Variants in UGCG observed in about 807,000 individuals in gnomAD.
UGCG encodes UDP-glucose ceramide glucosyltransferase.
UGCG carries 10 observed loss-of-function variants against 49.5 expected under a neutral mutation model. The observed-to-expected ratio is 0.20, with a 90% CI of 0.12 to 0.34. The LOEUF is 0.34. Ranked by LOEUF, UGCG falls within the 10% of genes least tolerant of loss-of-function variation. The pLI is 1.00. For synonymous variants in UGCG, 182 were observed against 158.2 expected (o/e 1.15, Z -1.13); for missense variants, 312 against 483.7 (o/e 0.65, Z 3.33).
intron 6 of UGCG, among the ~76,000 whole-genome samples, chr9:111,930,746 G>T (rs1264702383): frequency 6.6e-6 from 1 of 152,206 alleles, no homozygotes; most frequent in African/African-American, 2.4e-5. Context: ...GGGATTACAG[G>T]CATGAGCCAC....
Position 111,933,168 on chromosome 9 carries a change from C to T in UGCG, c.*171C>T. On this transcript the variant is annotated 3_prime_UTR_variant, in exon 9 of 9. Coordinates refer to ENST00000374279, the MANE Select transcript of UGCG (RefSeq NM_003358.3). ...GCATCTGTGAAAAAAAAAAAAAACA[C>T]ATCTGTAGTCTTGGCCAAATGATAC... 2.0e-6 allele frequency: 1 copy of T among 507,546 alleles called. No homozygotes were observed. Among genetic ancestry groups the T allele is most frequent in the Non-Finnish European group, 2.9e-6 (1 of 340,266 alleles). 31.4% of individuals were successfully genotyped at this position (507,546 alleles called of 1,614,324 possible).
Position 111,924,608 on chromosome 9 carries a change from C to T in UGCG, c.344-169C>T, listed in dbSNP as rs140507754. On this transcript the variant is annotated intron_variant, in intron 3 of 8. Coordinates refer to ENST00000374279, the MANE Select transcript of UGCG (RefSeq NM_003358.3). ...ATACAGTTTTCCTTTTGAGAATGGA[C>T]AGTTTTTTCCTAAATATATTATTAT... Among the ~76,000 whole-genome samples the T allele has an allele frequency of 8.6e-3, 1,313 of 151,920 alleles. 13 individuals are homozygous for T. Among genetic ancestry groups the T allele is most frequent in the Non-Finnish European group, 0.014 (956 of 67,932 alleles).
At chr9:111,928,361 A>G (rs1838362703) in intron 5 of UGCG, among the ~76,000 whole-genome samples, 1 of 152,232 alleles carries the variant, frequency 6.6e-6, no homozygotes, top group South Asian at 2.1e-4. Flanking sequence ...TGTCTTAGAA[A>G]TATCCAAATT....
At chr9:111,929,788 G>A in intron 6 of UGCG, 110 bp downstream of exon 6, 1 of 1,285,200 alleles carries the variant, frequency 7.8e-7, no homozygotes, top group Non-Finnish European at 1.1e-6. Context: ...TATTTTTTTT[G>A]CTAGTAAGTA....
intron 1 of UGCG, among the ~76,000 whole-genome samples, chr9:111,913,492 G>A (rs367824287): frequency 2.6e-5 from 4 of 152,078 alleles, no homozygotes; most frequent in South Asian, 2.1e-4. Flanking sequence ...GGAGTGCAGC[G>A]GCACAATCTT....
intron 3 of UGCG, 136 bp downstream of exon 3, chr9:111,923,087 G>A (rs1020571459): frequency 8.7e-6 from 4 of 457,154 alleles, no homozygotes; most frequent in Middle Eastern, 5.6e-4. Context: ...AGGTGTTTAC[G>A]TCCTTTTGAG....
intron 2 of UGCG, among the ~76,000 whole-genome samples, chr9:111,917,773 C>T (rs1838135359): frequency 6.6e-6 from 1 of 152,168 alleles, no homozygotes; most frequent in Admixed American, 6.6e-5. Flanking sequence ...TATACTGATA[C>T]TCATTCCTTG....
chr9:111,920,379 G>A (rs919106504), intron 2 of UGCG, among the ~76,000 whole-genome samples: 3 of 151,620 alleles, frequency 2.0e-5, no homozygotes, highest in Admixed American at 6.6e-5. Flanking sequence ...TATTTTCCCC[G>A]AGACGGAGTT....
At chr9:111,910,305 G>T (rs1233145296) in intron 1 of UGCG, among the ~76,000 whole-genome samples, 1 of 152,188 alleles carries the variant, frequency 6.6e-6, no homozygotes, top group Non-Finnish European at 1.5e-5. Context: ...CTGCTACTTA[G>T]CCAGCACTTG....
Position 111,934,605 on chromosome 9 carries a change from A to G in UGCG, c.*1608A>G, listed in dbSNP as rs1271864358. 7 of 152,210 alleles carry G rather than the reference A, an allele frequency of 4.6e-5. No homozygotes were observed. Among genetic ancestry groups the G allele is most frequent in the African/African-American group, 1.4e-4 (6 of 41,462 alleles). The allele number at this position is 152,210 out of a possible 1,614,324, so 9.4% of individuals were successfully genotyped here. On this transcript the variant is annotated 3_prime_UTR_variant, in exon 9 of 9. Coordinates refer to ENST00000374279, the MANE Select transcript of UGCG (RefSeq NM_003358.3). ...AACACTTTTTCACTTTACTGAGCCA[A>G]TTCATTTAATTGTCAAATGTCTATA... is the stretch of plus-strand genomic sequence containing the variant.
At chr9:111,923,169 T>A (rs1240810576) in intron 3 of UGCG, among the ~76,000 whole-genome samples, 1 of 152,172 alleles carries the variant, frequency 6.6e-6, no homozygotes, top group African/African-American at 2.4e-5. Flanking sequence ...AATAATATTT[T>A]TCCCATTAAT....
At chr9:111,909,247 CTTCTT>C (rs1433339743) in intron 1 of UGCG, among the ~76,000 whole-genome samples, 1 of 152,028 alleles carries the variant, frequency 6.6e-6, no homozygotes, top group African/African-American at 2.4e-5. Flanking sequence ...CTTGGAAACT[CTTCTT>C]TATTTTGAAA....
chr9:111,902,873 G>A (rs1564197109), intron 1 of UGCG, among the ~76,000 whole-genome samples: 1 of 152,026 alleles, frequency 6.6e-6, no homozygotes, highest in Non-Finnish European at 1.5e-5. Context: ...CGCCTTCTGG[G>A]TTTGAGTGAT....
intron 1 of UGCG, among the ~76,000 whole-genome samples, chr9:111,900,446 G>A (rs1166929163): frequency 6.6e-6 from 1 of 151,070 alleles, no homozygotes; most frequent in African/African-American, 2.4e-5. Context: ...TAAAACAGAG[G>A]TCCTTTTTTA....
intron 1 of UGCG, among the ~76,000 whole-genome samples, chr9:111,904,590 G>A (rs1189467421): frequency 6.6e-6 from 1 of 152,164 alleles, no homozygotes; most frequent in Non-Finnish European, 1.5e-5. Flanking sequence ...GCTGGGCTTG[G>A]TGGCTCACAC....
At chr9:111,897,749 T>C (rs1564195698) in intron 1 of UGCG, among the ~76,000 whole-genome samples, 1 of 151,932 alleles carries the variant, frequency 6.6e-6, no homozygotes, top group African/African-American at 2.4e-5. Flanking sequence ...GACACCTCTC[T>C]GTGGATTTTC....
intron 5 of UGCG, among the ~76,000 whole-genome samples, chr9:111,929,012 G>A (rs567762028): frequency 2.0e-5 from 3 of 152,100 alleles, no homozygotes; most frequent in Non-Finnish European, 2.9e-5. Flanking sequence ...AAGGATGCAA[G>A]AAAAGGAATT....
intron 1 of UGCG, among the ~76,000 whole-genome samples, chr9:111,912,671 A>G (rs1205515429): frequency 6.6e-6 from 1 of 152,190 alleles, no homozygotes; most frequent in African/African-American, 2.4e-5. Context: ...GCTTGATGTC[A>G]TGGCAATGTT....
chr9:111,913,150 T>G (rs374789903), intron 1 of UGCG, among the ~76,000 whole-genome samples: 3 of 152,222 alleles, frequency 2.0e-5, no homozygotes, highest in African/African-American at 7.2e-5. Flanking sequence ...AAGTCAGAGC[T>G]GCCATCTGCC....
Sources: gnomAD v4.1 joint callset for allele counts (sites outside exome capture counted in the v4.1 genomes callset) on GRCh38, gnomAD v4.1.1 for gene constraint, MANE v1.5 for transcripts, NCBI Gene and HGNC (gene_info 2026-07-23, HGNC 2026-07-21) for gene names.